FREM3: variants seen among roughly 807,000 people sequenced by gnomAD.
FREM3 encodes FRAS1-related extracellular matrix protein 3.
Under a neutral mutation model 129.1 loss-of-function variants are expected in FREM3, and 105 were observed. The ratio of observed to expected loss-of-function variants is 0.81; its 90% confidence interval spans 0.69 to 0.96. The LOEUF (loss-of-function observed/expected upper bound fraction) is 0.96. Ranked by LOEUF, FREM3 falls within the 40% of genes least tolerant of loss-of-function variation. FREM3 has a pLI of 0.00. For synonymous variants in FREM3, 1,014 were observed against 1,044.9 expected, an observed-to-expected ratio of 0.97 and a Z score of 0.57; for missense variants, 2,593 against 2,666.3, an observed-to-expected ratio of 0.97 and a Z score of 0.61.
intron 2 of FREM3, among the ~76,000 whole-genome samples, chr4:143,665,211 G>C (rs11100800): frequency 0.54 from 82,476 of 151,808 alleles, 23,486 homozygotes; most frequent in East Asian, 0.71. Flanking sequence ...GACTGGAGCT[G>C]TTCCTATTTG....
At chr4:143,661,041 T>C (rs1002883359) in intron 2 of FREM3, among the ~76,000 whole-genome samples, 2 of 152,206 alleles carry the variant, frequency 1.3e-5, no homozygotes, top group African/African-American at 4.8e-5. Flanking sequence ...CAGGGACAAT[T>C]TGACTTCCTC....
chr4:143,603,614 AAATAATTTGT>A, intron 6 of FREM3, among the ~76,000 whole-genome samples: 2 of 152,166 alleles, frequency 1.3e-5, no homozygotes, highest in Admixed American at 1.3e-4. Flanking sequence ...GTTGATTTGG[AAATAATTTGT>A]GTATTATCTA....
intron 2 of FREM3, among the ~76,000 whole-genome samples, chr4:143,679,676 T>C (rs1002490111): frequency 6.6e-6 from 1 of 152,188 alleles, no homozygotes; most frequent in Admixed American, 6.5e-5. Context: ...CTTCCCCAGA[T>C]TGGCTTTACA....
chr4:143,583,907 G>A (rs938444433), intron 7 of FREM3, among the ~76,000 whole-genome samples: 1 of 152,184 alleles, frequency 6.6e-6, no homozygotes, highest in African/African-American at 2.4e-5. Flanking sequence ...AATTGAGTCT[G>A]CATAATAAAC....
chr4:143,613,145 G>T (rs1196643920), intron 5 of FREM3, among the ~76,000 whole-genome samples: 1 of 152,170 alleles, frequency 6.6e-6, no homozygotes. Flanking sequence ...TTTTTTGAAA[G>T]AACAAAAATT....
chr4:143,654,416 T>A (rs967336406), intron 2 of FREM3, among the ~76,000 whole-genome samples: 3 of 152,244 alleles, frequency 2.0e-5, no homozygotes, highest in African/African-American at 7.2e-5. Context: ...AACTAAGGAA[T>A]CTTTCTGTCT....
chr4:143,638,447 A>G (rs1739269559), intron 2 of FREM3, among the ~76,000 whole-genome samples: 1 of 152,166 alleles, frequency 6.6e-6, no homozygotes, highest in African/African-American at 2.4e-5. Context: ...AGGTTGAAAC[A>G]AACTCTTTAT....
At chr4:143,674,770 C>A (rs201036607) in intron 2 of FREM3, among the ~76,000 whole-genome samples, 10,007 of 152,060 alleles carry the variant, frequency 0.066, 892 homozygotes, top group African/African-American at 0.19. Context: ...CACTTTAAAC[C>A]AACAAAGATC....
chr4:143,589,721 T>C (rs74879977), intron 6 of FREM3, among the ~76,000 whole-genome samples: 129,921 of 152,046 alleles, frequency 0.85, 55,573 homozygotes, highest in Admixed American at 0.9. Context: ...CTTGGCGATG[T>C]GGGCTCTTTT....
At chr4:143,689,159 C>T (rs906092168) in intron 2 of FREM3, among the ~76,000 whole-genome samples, 1 of 151,844 alleles carries the variant, frequency 6.6e-6, no homozygotes. Flanking sequence ...GAATTTACGA[C>T]GAACTCAAAC....
chr4:143,625,746 C>T (rs771899626), intron 3 of FREM3, among the ~76,000 whole-genome samples: 7 of 152,150 alleles, frequency 4.6e-5, no homozygotes, highest in Non-Finnish European at 1.0e-4. Context: ...CAGAATTAGG[C>T]ACAGCCACCA....
chr4:143,674,608 A>C (rs927115615), intron 2 of FREM3, among the ~76,000 whole-genome samples: 5 of 152,242 alleles, frequency 3.3e-5, no homozygotes, highest in African/African-American at 1.2e-4. Flanking sequence ...GATTGGATAA[A>C]GAGTCACGAC....
At position 143,661,252 on chromosome 4, in the gene FREM3, C is replaced by T. The variant is rs575985391; in HGVS notation, c.5275+31861G>A. On this transcript the variant is annotated intron_variant, in intron 2 of 7. Coordinates refer to ENST00000329798, the MANE Select transcript of FREM3 (RefSeq NM_001168235.2). ...AGATAGCTCTTATTATTTTGAGATA[C>T]GTCCCATCAATACCTAATTTATTGA... Among the ~76,000 whole-genome samples, 1,388 of 152,214 alleles carry T rather than the reference C, an allele frequency of 9.1e-3. 5 individuals are homozygous for T. Among genetic ancestry groups the T allele is most frequent in the Non-Finnish European group, 0.014 (924 of 68,010 alleles).
chr4:143,605,636 A>C (rs1322472201), intron 6 of FREM3, among the ~76,000 whole-genome samples: 1 of 152,174 alleles, frequency 6.6e-6, no homozygotes, highest in Non-Finnish European at 1.5e-5. Flanking sequence ...TATGCACTGG[A>C]TTAATTAAGA....
At chr4:143,619,867 G>T (rs1024214129) in intron 5 of FREM3, among the ~76,000 whole-genome samples, 1 of 151,790 alleles carries the variant, frequency 6.6e-6, no homozygotes, top group Non-Finnish European at 1.5e-5. Flanking sequence ...TGTTGTGGGG[G>T]TATTATTTAA....
Position 143,698,060 on chromosome 4 carries a change from G to A in FREM3, c.2616C>T (p.Pro872=), listed in dbSNP as rs1217640600. 6.5e-7 allele frequency: 1 copy of A among 1,537,292 alleles called. No individual in the cohort carries two copies. The highest frequency in any genetic ancestry group is 1.2e-5 in the South Asian group (1 of 84,060). The part of the protein sequence containing the change: ...DQIVFILVRG[P]QHGHLQYFKR... ...TAAAGTACTGCAAGTGTCCATGTTG[G>A]GGACCCCGGACTAATATGAAGACAA... Residue 872 remains proline (P), a synonymous_variant, in exon 1 of 8, where the codon CCC becomes CCT. Transcript: ENST00000329798.
At chr4:143,640,321 G>A (rs1231516867) in intron 2 of FREM3, among the ~76,000 whole-genome samples, 1 of 152,188 alleles carries the variant, frequency 6.6e-6, no homozygotes, top group Non-Finnish European at 1.5e-5. Context: ...GAATGACAAT[G>A]CTTTCTGGAG....
At chr4:143,671,776 C>G (rs74514014) in intron 2 of FREM3, among the ~76,000 whole-genome samples, 1 of 152,054 alleles carries the variant, frequency 6.6e-6, no homozygotes, top group Admixed American at 6.5e-5. Flanking sequence ...AAACTAGGTG[C>G]GAAGAATTCT....
intron 6 of FREM3, among the ~76,000 whole-genome samples, chr4:143,586,969 G>A (rs539990855): frequency 1.3e-5 from 2 of 152,280 alleles, no homozygotes; most frequent in Admixed American, 6.5e-5. Flanking sequence ...CAAATATATT[G>A]CAATGCACCA....
Sources: gnomAD v4.1 joint callset for allele counts (sites outside exome capture counted in the v4.1 genomes callset) on GRCh38, gnomAD v4.1.1 for gene constraint, MANE v1.5 for transcripts, NCBI Gene and HGNC (gene_info 2026-07-23, HGNC 2026-07-21) for gene names.